The following MYOM2 variants were observed in gnomAD, a reference collection of about 807,000 sequenced individuals.
The protein encoded by MYOM2 is myomesin 2.
In MYOM2, 254 loss-of-function variants were observed where a neutral mutation model predicts 187.6. The ratio of observed to expected loss-of-function variants is 1.35; its 90% CI spans 1.22 to 1.50. MYOM2 has a LOEUF of 1.50. MYOM2 is among the 40% of genes most tolerant of loss of function. The pLI is 0.00. For missense variants in MYOM2, 2,796 were observed against 1,924.0 expected, an observed-to-expected ratio of 1.45 and a Z score of -8.48; for synonymous variants, 981 against 753.8, an observed-to-expected ratio of 1.30 and a Z score of -4.94.
chr8:2,140,974 G>A, intron 33 of MYOM2, 88 bp downstream of exon 33: 2 of 1,351,200 alleles, frequency 1.5e-6, no homozygotes, highest in Non-Finnish European at 2.0e-6. Context: ...ATGAATACAA[G>A]AGACAATATG....
At chr8:2,126,094 CAGA>C (rs1055004445) in intron 31 of MYOM2, among the ~76,000 whole-genome samples, 32 of 151,962 alleles carry the variant, frequency 2.1e-4, no homozygotes, top group African/African-American at 7.3e-4. Flanking sequence ...TAGAACTGAC[CAGA>C]AGGTCTTGAA....
intron 31 of MYOM2, among the ~76,000 whole-genome samples, chr8:2,125,237 C>T (rs1797595650): frequency 6.6e-6 from 1 of 152,214 alleles, no homozygotes; most frequent in Non-Finnish European, 1.5e-5. Context: ...ATGTTTAAGT[C>T]TTTTATCCAA....
Position 2,085,262 on chromosome 8 carries a change from G to A in MYOM2, c.1517-1G>A. 2 of 1,613,966 alleles carry A rather than the reference G, an allele frequency of 1.2e-6. No individual in the cohort carries two copies. Among genetic ancestry groups the A allele is most frequent in the South Asian group, 2.2e-5 (2 of 91,064 alleles). ...ACTCACCGAATTTATTATTCCTCCAGGTGACGCCCAGGTTCCAGGGCCTCC... is the reference window on the plus strand; with the variant it reads ...ACTCACCGAATTTATTATTCCTCCAAGTGACGCCCAGGTTCCAGGGCCTCC... On this transcript the variant is annotated splice_acceptor_variant, in intron 13 of 36. Coordinates refer to ENST00000262113, the MANE Select transcript of MYOM2 (RefSeq NM_003970.4). LOFTEE classifies it high-confidence loss of function.
At chr8:2,062,751 T>G (rs1335373447) in intron 6 of MYOM2, among the ~76,000 whole-genome samples, 1 of 152,164 alleles carries the variant, frequency 6.6e-6, no homozygotes, top group Non-Finnish European at 1.5e-5. Flanking sequence ...TTCTACCCTG[T>G]GTGTGCTGTG....
chr8:2,096,471 G>C (rs765515053), intron 18 of MYOM2, 37 bp downstream of exon 18: 31 of 1,596,734 alleles, frequency 1.9e-5, no homozygotes, highest in Non-Finnish European at 2.5e-5. Context: ...ATTTTTGCCT[G>C]GGTGGTTCTT....
chr8:2,067,835 G>C (rs1369806116), intron 6 of MYOM2, among the ~76,000 whole-genome samples: 1 of 152,072 alleles, frequency 6.6e-6, no homozygotes, highest in African/African-American at 2.4e-5. Flanking sequence ...ATACACCCTT[G>C]AGTGGGTGAT....
chr8:2,100,181 CTT>C (rs1796657460), intron 19 of MYOM2, among the ~76,000 whole-genome samples: 2 of 145,894 alleles, frequency 1.4e-5, no homozygotes, highest in South Asian at 2.2e-4. Flanking sequence ...TCCTTCCTTC[CTT>C]CCTTCCCTCC....
At chr8:2,127,513 G>C (rs930532396) in intron 31 of MYOM2, among the ~76,000 whole-genome samples, 1 of 152,240 alleles carries the variant, frequency 6.6e-6, no homozygotes, top group Admixed American at 6.5e-5. Flanking sequence ...AGGTTCCTGG[G>C]TGGTTTCCTC....
At chr8:2,118,282 C>G (rs1045295931) in intron 28 of MYOM2, among the ~76,000 whole-genome samples, 4 of 152,104 alleles carry the variant, frequency 2.6e-5, no homozygotes, top group African/African-American at 7.2e-5. Flanking sequence ...GCTGCTCATA[C>G]GAGTTCATCA....
intron 6 of MYOM2, among the ~76,000 whole-genome samples, chr8:2,068,393 C>T (rs1464633334): frequency 6.7e-6 from 1 of 150,070 alleles, no homozygotes; most frequent in Admixed American, 6.6e-5. Flanking sequence ...GGGGACAGCT[C>T]TTCAATGCCT....
intron 12 of MYOM2, 45 bp downstream of exon 12, chr8:2,078,978 G>A: frequency 6.3e-7 from 1 of 1,589,482 alleles, no homozygotes. Flanking sequence ...AGGAAGCTTT[G>A]GCTGTTTTGT....
intron 14 of MYOM2, among the ~76,000 whole-genome samples, chr8:2,086,136 C>CGTGATCTCTGCGTGGCCCCCCACTGTT (rs1563446921): frequency 1.3e-4 from 1 of 7,408 alleles, no homozygotes; most frequent in Non-Finnish European, 2.4e-4. Context: ...CCCCCACTGT[C>CGTGATCTCTGCGTGGCCCCCCACTGTT]GTGATCTCTG....
chr8:2,048,083 G>C (rs1291947343), intron 1 of MYOM2, among the ~76,000 whole-genome samples: 1 of 152,168 alleles, frequency 6.6e-6, no homozygotes, highest in African/African-American at 2.4e-5. Context: ...GTCACATTTT[G>C]ACTCTTCCCT....
chr8:2,049,523 C>T (rs77124651), intron 1 of MYOM2, among the ~76,000 whole-genome samples: 4,646 of 152,278 alleles, frequency 0.031, 267 homozygotes, highest in African/African-American at 0.11. Context: ...AATTCATCTC[C>T]GAGCAGCCCT....
At chr8:2,128,559 C>T (rs1276518276) in intron 31 of MYOM2, among the ~76,000 whole-genome samples, 1 of 152,232 alleles carries the variant, frequency 6.6e-6, no homozygotes, top group Admixed American at 6.5e-5. Flanking sequence ...TCATCTACCT[C>T]AAGCGAATTA....
At chr8:2,142,190 C>T (rs781150175) in intron 34 of MYOM2, among the ~76,000 whole-genome samples, 185 bp from the exon 35 acceptor site, 7 of 152,112 alleles carry the variant, frequency 4.6e-5, no homozygotes, top group Non-Finnish European at 1.0e-4. Context: ...TGGGAACCAT[C>T]AGGAAAAATC....
At chr8:2,075,804 T>A (rs1217401356) in intron 10 of MYOM2, among the ~76,000 whole-genome samples, 1 of 152,228 alleles carries the variant, frequency 6.6e-6, no homozygotes, top group Non-Finnish European at 1.5e-5. Context: ...CAGATTATTG[T>A]CACTGTTTCA....
rs192100653 is a variant in MYOM2, at chr8:2,102,730, G to A, written c.2683G>A (p.Val895Met). The change falls in exon 21 of 37, where the codon GTG becomes ATG. Residue 895 changes from valine to methionine, a missense_variant. Physicochemically the swap from Val to Met is conservative, Grantham distance 21. Coordinates refer to ENST00000262113, the MANE Select transcript of MYOM2 (RefSeq NM_003970.4). ...FRVRAVNANG[V>M]GKPSDTSEPV... The stretch of plus-strand genomic sequence containing the variant: ...GGTCCGGGCAGTCAATGCAAATGGC[G>A]TGGGGAAGCCCTCAGACACGTCGGA... The A allele has an allele frequency of 9.6e-4, 1,555 of 1,614,088 alleles. 6 individuals carry two copies. The highest frequency in any genetic ancestry group is 1.2e-3 in the Admixed American group (73 of 60,028).
At chr8:2,055,091 TACC>T (rs2129328368) in intron 3 of MYOM2, among the ~76,000 whole-genome samples, 1 of 24,430 alleles carries the variant, frequency 4.1e-5, no homozygotes. Flanking sequence ...GGGAACGAAG[TACC>T]TGGATACTGG....
Sources: allele counts gnomAD v4.1 joint callset (sites outside exome capture counted in the v4.1 genomes callset), GRCh38; gene constraint gnomAD v4.1.1; transcripts MANE v1.5; gene names NCBI Gene and HGNC (gene_info 2026-07-23, HGNC 2026-07-21).